The following KCNN1 variants were observed in gnomAD, a reference collection of about 807,000 sequenced individuals.
KCNN1 encodes the protein potassium calcium-activated channel subfamily N member 1.
KCNN1 carries 20 observed loss-of-function variants against 44.7 expected under a neutral mutation model. The observed-to-expected ratio is 0.45, with a 90% confidence interval of 0.32 to 0.65. The LOEUF is 0.65. Among genes scored for constraint, KCNN1 ranks in the 30% least tolerant of loss-of-function variants. KCNN1 has a pLI of 0.05. For missense variants in KCNN1, 632 were observed against 785.3 expected (o/e 0.80, Z 2.33); for synonymous variants, 324 against 341.7 (o/e 0.95, Z 0.57).
chr19:17,999,176 G>C lies in KCNN1; in HGVS notation c.*770G>C, dbSNP rs2033105416. ...ATGGTGGGATGGGGGGGAAACTGAG[G>C]CCCAGAGAGGTGAATCTACCTACCT... is the stretch of plus-strand genomic sequence containing the variant. On this transcript the variant is annotated 3_prime_UTR_variant, in exon 10 of 10. Coordinates refer to ENST00000684775, the MANE Select transcript of KCNN1 (RefSeq NM_001386974.1). 1 of 152,432 alleles carries C rather than the reference G, an allele frequency of 6.6e-6. No homozygotes were observed. Among genetic ancestry groups the C allele is most frequent in the Non-Finnish European group, 1.5e-5 (1 of 68,110 alleles). 9.4% of individuals were successfully genotyped at this position (152,432 alleles called of 1,614,324 possible). A position where few individuals can be genotyped will look rare whatever the true frequency, so the allele number is the denominator to read the frequency against.
intron 9 of KCNN1, among the ~76,000 whole-genome samples, chr19:17,995,187 T>C (rs2032940672): frequency 6.6e-6 from 1 of 152,034 alleles, no homozygotes; most frequent in Non-Finnish European, 1.5e-5. Context: ...TTTTTTTTTT[T>C]TCTGAGACAG....
At chr19:17,959,006 A>G (rs2031614444) in intron 2 of KCNN1, among the ~76,000 whole-genome samples, 2 of 134,860 alleles carry the variant, frequency 1.5e-5, no homozygotes, top group Admixed American at 1.5e-4. Context: ...AGCCCTATTT[A>G]TTTATTTATT....
intron 1 of KCNN1, among the ~76,000 whole-genome samples, chr19:17,971,368 C>T (rs894683004): frequency 3.9e-5 from 6 of 152,216 alleles, no homozygotes; most frequent in Non-Finnish European, 7.3e-5. Flanking sequence ...GGCCTCCACC[C>T]ACCCCTGCCC....
upstream of KCNN1, chr19:17,966,986 G>GA (rs1239631857): frequency 6.8e-6 from 2 of 295,892 alleles, no homozygotes; most frequent in African/African-American, 2.3e-5. Context: ...GGGCGCCGGG[G>GA]AATGTGGGAT....
chr19:17,969,491 GCCCTCCAC>G (rs1038172803), intron 1 of KCNN1, among the ~76,000 whole-genome samples: 14 of 152,170 alleles, frequency 9.2e-5, no homozygotes, highest in South Asian at 4.1e-4. Context: ...TGCCGGGAAA[GCCCTCCAC>G]CCCTCCACCC....
chr19:17,971,478 T>C (rs1218137003), intron 1 of KCNN1, among the ~76,000 whole-genome samples: 3 of 151,852 alleles, frequency 2.0e-5, no homozygotes, highest in Non-Finnish European at 2.9e-5. Flanking sequence ...TATTTTTTTT[T>C]TGAGACGGAG....
chr19:17,969,385 C>A (rs1026561766), intron 1 of KCNN1, among the ~76,000 whole-genome samples: 2 of 152,172 alleles, frequency 1.3e-5, no homozygotes, highest in African/African-American at 2.4e-5. Context: ...AACGGGAATG[C>A]CACCTTGCTC....
chr19:17,974,185 C>G lies in KCNN1; in HGVS notation c.297C>G (p.Leu99=), dbSNP rs772485816. The change falls in exon 2 of 10, where the codon CTC becomes CTG. Residue 99 remains leucine, a synonymous_variant. Coordinates refer to ENST00000684775, the MANE Select transcript of KCNN1 (RefSeq NM_001386974.1). This position sits in a 1 kb window ranked among gnomAD's most constrained non-coding sequence, Gnocchi z 7.3. ...VGHRLGHRRA[L]FEKRKRLSDY... Reference sequence around the variant, plus strand: ...ACCGCCTGGGCCACCGGCGGGCGCTCTTCGAGAAGCGGAAGCGCCTCAGCG... The same window carrying G: ...ACCGCCTGGGCCACCGGCGGGCGCTGTTCGAGAAGCGGAAGCGCCTCAGCG... The G allele has an allele frequency of 5.0e-6, 8 of 1,612,686 alleles. No individual in the cohort carries two copies. In the South Asian group the frequency reaches 8.8e-5, roughly 18 times the overall value.
Position 17,993,834 on chromosome 19 carries a change from T to TG in KCNN1, c.1377+281dup, listed in dbSNP as rs944032157. ...CTGAGGGAGGAGAATCGCTTGAACT[T>TG]GGGGGGTTGAGGCTGCAGTGAGCCG... On this transcript the variant is annotated intron_variant, in intron 9 of 9. Coordinates refer to ENST00000684775, the MANE Select transcript of KCNN1 (RefSeq NM_001386974.1). The surrounding 1 kb of genome is among the most constrained non-coding windows in gnomAD (Gnocchi z 4.5). Among the ~76,000 whole-genome samples, 22 of 151,862 alleles carry TG rather than the reference T, an allele frequency of 1.4e-4. 1 individual carries two copies. The highest frequency in any genetic ancestry group is 2.1e-4 in the Non-Finnish European group (14 of 67,958).
At chr19:17,971,223 C>G (rs2032011432) in intron 1 of KCNN1, among the ~76,000 whole-genome samples, 1 of 152,076 alleles carries the variant, frequency 6.6e-6, no homozygotes, top group African/African-American at 2.4e-5. Flanking sequence ...TGACGATCTG[C>G]TAGTCTGTCA....
At chr19:17,954,854 A>G (rs1009636205) in intron 2 of KCNN1, among the ~76,000 whole-genome samples, 1 of 151,792 alleles carries the variant, frequency 6.6e-6, no homozygotes, top group Non-Finnish European at 1.5e-5. Context: ...TTTGGCCGAC[A>G]TGGCGAAACC....
rs1329441704 is a variant in KCNN1 at position 17,983,247 on chromosome 19, G to A, written c.917+1120G>A. On this transcript the variant is annotated intron_variant, in intron 4 of 9. Coordinates refer to ENST00000684775, the MANE Select transcript of KCNN1 (RefSeq NM_001386974.1). The surrounding 1 kb of genome is among the most constrained non-coding windows in gnomAD (Gnocchi z 4.5). ...TCCGCCAGGCCTGGGGTGTGAGGGTGCCTTATCTGGGAGAGGGTCTCCCTG... is the reference window on the plus strand; with the variant it reads ...TCCGCCAGGCCTGGGGTGTGAGGGTACCTTATCTGGGAGAGGGTCTCCCTG... Among the ~76,000 whole-genome samples, 5 of 152,096 alleles carry A rather than the reference G, an allele frequency of 3.3e-5. No individual in the cohort carries two copies. The highest frequency in any genetic ancestry group is 2.6e-4 in the Admixed American group (4 of 15,272).
Position 17,993,335 on chromosome 19 carries a change from G to T in KCNN1, c.1308-155G>T, listed in dbSNP as rs1172260558. ...GGCGCACCGGCTGTGTACTGGGAGG[G>T]AATAGACTACAGGGAATCGGCCTCC... On this transcript the variant is annotated intron_variant, in intron 8 of 9. Transcript: ENST00000684775. The surrounding 1 kb of genome is among the most constrained non-coding windows in gnomAD (Gnocchi z 4.5). Among the ~76,000 whole-genome samples the T allele has an allele frequency of 6.6e-6, 1 of 152,118 alleles. No individual in the cohort carries two copies. The highest frequency in any genetic ancestry group is 2.4e-5 in the African/African-American group (1 of 41,432).
At chr19:17,994,821 G>A (rs1392764463) in intron 9 of KCNN1, among the ~76,000 whole-genome samples, 2 of 152,228 alleles carry the variant, frequency 1.3e-5, no homozygotes, top group African/African-American at 2.4e-5. Context: ...TGGGATTACA[G>A]GCGTGGGCCA....
upstream of KCNN1, among the ~76,000 whole-genome samples, chr19:17,964,820 G>A (rs555403439): frequency 1.1e-4 from 17 of 152,308 alleles, no homozygotes; most frequent in African/African-American, 3.1e-4. The surrounding 1 kb of genome is among the most constrained non-coding windows in gnomAD (Gnocchi z 4.3). Context: ...GATCCCTCAG[G>A]GCAGGTGAAT....
chr19:17,958,912 G>C (rs1262004932), intron 2 of KCNN1, among the ~76,000 whole-genome samples: 2 of 150,744 alleles, frequency 1.3e-5, no homozygotes. Context: ...GTGTTAACCA[G>C]GATGGTCTCG....
intron 1 of KCNN1, among the ~76,000 whole-genome samples, chr19:17,954,396 G>T (rs994495633): frequency 6.6e-6 from 1 of 151,888 alleles, no homozygotes; most frequent in Non-Finnish European, 1.5e-5. Context: ...GGCGGCAGTT[G>T]CAGTGAGCTG....
rs998561479 is a variant in KCNN1, at chr19:17,999,111, G to A, written c.*705G>A. On this transcript the variant is annotated 3_prime_UTR_variant, in exon 10 of 10. Transcript: ENST00000684775. ...ACCTGCTGTCTACAGAGAATGTGAT[G>A]ATGTCAATTACCACACTGATTCCTC... 6.6e-6 allele frequency: 1 copy of A among 152,284 alleles called. No homozygotes were observed. Among genetic ancestry groups the A allele is most frequent in the African/African-American group, 2.4e-5 (1 of 41,454 alleles). The allele number at this position is 152,284 out of a possible 1,614,324, so 9.4% of individuals were successfully genotyped here. A position where few individuals can be genotyped will look rare whatever the true frequency, so the allele number is the denominator to read the frequency against.
At chr19:17,980,726 A>AC (rs1418031025) in intron 3 of KCNN1, among the ~76,000 whole-genome samples, 1 of 150,706 alleles carries the variant, frequency 6.6e-6, no homozygotes, top group Non-Finnish European at 1.5e-5. Flanking sequence ...AAATAGGGAG[A>AC]CCCCATCTCT....
Sources: gnomAD v4.1 joint callset for allele counts (sites outside exome capture counted in the v4.1 genomes callset) on GRCh38, gnomAD v4.1.1 for gene constraint, Gnocchi (gnomAD v3.1) non-coding constraint, MANE v1.5 for transcripts, NCBI Gene and HGNC (gene_info 2026-07-23, HGNC 2026-07-21) for gene names.